Variants in ETV1 observed in about 807,000 individuals in gnomAD.
ETV1 encodes ETS variant transcription factor 1.
Under a neutral mutation model 62.3 loss-of-function variants are expected in ETV1, and 27 were observed. That is an observed-to-expected ratio of 0.43 (90% CI 0.32 to 0.60). ETV1 has a LOEUF of 0.60. Among genes scored for constraint, ETV1 ranks in the 20% least tolerant of loss-of-function variants. The pLI is 0.06. For missense variants in ETV1, 605 were observed against 605.8 expected (o/e 1.00, Z 0.01); for synonymous variants, 222 against 199.6 (o/e 1.11, Z -0.94).
chr7:13,924,797 T>C (rs1281625528), intron 9 of ETV1, among the ~76,000 whole-genome samples: 1 of 152,238 alleles, frequency 6.6e-6, no homozygotes, highest in Non-Finnish European at 1.5e-5. Context: ...GATATTTATC[T>C]GTAAAATTTG....
At chr7:13,905,847 T>C (rs964155352) in intron 12 of ETV1, among the ~76,000 whole-genome samples, 5 of 152,170 alleles carry the variant, frequency 3.3e-5, no homozygotes, top group Non-Finnish European at 5.9e-5. Context: ...GGAAAATGTT[T>C]CTACCAGGCC....
At chr7:13,927,158 G>A (rs1207880129) in intron 9 of ETV1, among the ~76,000 whole-genome samples, 1 of 152,158 alleles carries the variant, frequency 6.6e-6, no homozygotes, top group Non-Finnish European at 1.5e-5. Flanking sequence ...CTTAGAAAAT[G>A]CTTTTTACGG....
chr7:13,931,683 T>C lies in ETV1; in HGVS notation c.621A>G (p.Gly207=), dbSNP rs1312851429. ...FPPLPTMPRE[G]RPMYQRQMSE... is the part of the protein sequence containing the mutation. ...ACATCTGGCGTTGGTACATAGGACG[T>C]CCTTCCCTTGGCATCGTCGGCAAAG... Residue 207 remains glycine (G), a synonymous_variant, in exon 9 of 14, where the codon GGA becomes GGG. Transcript: ENST00000430479. The C allele has an allele frequency of 1.2e-6, 2 of 1,613,508 alleles. No individual in the cohort carries two copies. The highest frequency in any genetic ancestry group is 1.7e-6 in the Non-Finnish European group (2 of 1,179,756).
At chr7:13,967,605 T>C (rs1780435553) in intron 6 of ETV1, among the ~76,000 whole-genome samples, 1 of 152,094 alleles carries the variant, frequency 6.6e-6, no homozygotes, top group African/African-American at 2.4e-5. Context: ...CCTAGTAAGA[T>C]ACAGCACCAA....
intron 9 of ETV1, among the ~76,000 whole-genome samples, chr7:13,925,113 C>G (rs987018900): frequency 6.6e-6 from 1 of 152,110 alleles, no homozygotes; most frequent in Non-Finnish European, 1.5e-5. Flanking sequence ...CAGCATTGTC[C>G]TTTATTTTCT....
At chr7:13,979,361 TTACTTC>T (rs1583882461) in intron 5 of ETV1, among the ~76,000 whole-genome samples, 1 of 152,076 alleles carries the variant, frequency 6.6e-6, no homozygotes, top group East Asian at 1.9e-4. Flanking sequence ...TTTAATATCT[TTACTTC>T]TAATGAAGTC....
rs1182496878 is a variant in ETV1 at position 13,895,282 on chromosome 7, G to T, written c.*584C>A. On this transcript the variant is annotated 3_prime_UTR_variant, in exon 14 of 14. Coordinates refer to ENST00000430479, the MANE Select transcript of ETV1 (RefSeq NM_004956.5). ...TTATCCTCTGCAAGTCATATATAAA[G>T]CAAAATAAAACAACAAACAGCAAAT... 2 of 233,684 alleles carry T rather than the reference G, an allele frequency of 8.6e-6. No homozygotes were observed. Among genetic ancestry groups the T allele is most frequent in the Non-Finnish European group, 1.7e-5 (2 of 118,210 alleles). 14.5% of individuals were successfully genotyped at this position (233,684 alleles called of 1,614,324 possible).
chr7:13,980,285 G>A (rs1184386033), intron 5 of ETV1, among the ~76,000 whole-genome samples: 2 of 152,116 alleles, frequency 1.3e-5, no homozygotes, highest in African/African-American at 4.8e-5. Context: ...ACACAAGTTG[G>A]ATCTAGGCAA....
At chr7:13,911,119 C>G (rs1306104896) in intron 10 of ETV1, 120 bp downstream of exon 10, 8 of 691,918 alleles carry the variant, frequency 1.2e-5, no homozygotes, top group African/African-American at 1.8e-5. Flanking sequence ...AAAACAATTG[C>G]TTAGGGAACA....
intron 11 of ETV1, among the ~76,000 whole-genome samples, chr7:13,907,465 T>A (rs1783086129): frequency 6.6e-6 from 1 of 152,130 alleles, no homozygotes; most frequent in Admixed American, 6.6e-5. Context: ...AGTGTAAAAA[T>A]CTGTTAAATA....
chr7:13,956,374 A>G (rs894337876), intron 6 of ETV1, among the ~76,000 whole-genome samples: 1 of 151,638 alleles, frequency 6.6e-6, no homozygotes, highest in Non-Finnish European at 1.5e-5. Context: ...CCAGGAGTGT[A>G]CCCTTAAGGC....
intron 6 of ETV1, among the ~76,000 whole-genome samples, chr7:13,951,203 C>T (rs1203327651): frequency 6.6e-6 from 1 of 152,112 alleles, no homozygotes; most frequent in Non-Finnish European, 1.5e-5. Context: ...CTCTCTCTCA[C>T]ACACACATAC....
At chr7:13,902,506 G>T (rs1782543153) in intron 12 of ETV1, among the ~76,000 whole-genome samples, 1 of 145,964 alleles carries the variant, frequency 6.9e-6, no homozygotes, top group Non-Finnish European at 1.5e-5. Flanking sequence ...GAGCAATAGT[G>T]AATTGAAGCG....
intron 5 of ETV1, among the ~76,000 whole-genome samples, chr7:13,979,448 T>C (rs1427744710): frequency 6.7e-6 from 1 of 150,008 alleles, no homozygotes; most frequent in African/African-American, 2.4e-5. Context: ...CAACATATTT[T>C]TTTGACACTG....
intron 9 of ETV1, among the ~76,000 whole-genome samples, chr7:13,919,408 A>G (rs1197327665): frequency 6.6e-6 from 1 of 151,680 alleles, no homozygotes; most frequent in East Asian, 1.9e-4. Context: ...CAGAACAGAG[A>G]GTTGAAAAAT....
At chr7:13,981,860 T>C (rs1356688184) in intron 5 of ETV1, among the ~76,000 whole-genome samples, 1 of 152,002 alleles carries the variant, frequency 6.6e-6, no homozygotes, top group African/African-American at 2.4e-5. Flanking sequence ...AAAATCCACC[T>C]TCCTACAGTG....
At chr7:13,939,575 C>T (rs1787234401) in intron 6 of ETV1, among the ~76,000 whole-genome samples, 5 of 152,108 alleles carry the variant, frequency 3.3e-5, no homozygotes, top group Admixed American at 3.3e-4. Flanking sequence ...GAAAGGTTTC[C>T]AATGACTAAA....
At chr7:13,979,248 C>A (rs1302130834) in intron 5 of ETV1, among the ~76,000 whole-genome samples, 1 of 152,000 alleles carries the variant, frequency 6.6e-6, no homozygotes, top group Admixed American at 6.6e-5. Context: ...GCAATGCCAG[C>A]TACTCAAGAA....
intron 5 of ETV1, chr7:13,985,284 G>T (rs1341098038): frequency 1.3e-5 from 2 of 151,938 alleles, no homozygotes; most frequent in African/African-American, 2.4e-5. Flanking sequence ...GTAATGTATT[G>T]CAGTAAGTTT....
Sources: gnomAD v4.1 joint callset for allele counts (sites outside exome capture counted in the v4.1 genomes callset) on GRCh38, gnomAD v4.1.1 for gene constraint, MANE v1.5 for transcripts, NCBI Gene and HGNC (gene_info 2026-07-23, HGNC 2026-07-21) for gene names.